MEMO1: variants seen among roughly 807,000 people sequenced by gnomAD.
The protein encoded by MEMO1 is mediator of cell motility 1, also known as protein MEMO1.
A neutral mutation model predicts 45.2 loss-of-function variants in MEMO1; 6 were observed. The ratio of observed to expected loss-of-function variants is 0.13; its 90% confidence interval spans 0.07 to 0.26. The LOEUF (loss-of-function observed/expected upper bound fraction) is 0.26. MEMO1 is among the 10% of genes least tolerant of loss of function. The pLI is 1.00. For missense variants in MEMO1, 184 were observed against 370.5 expected (o/e 0.50, Z 4.13); for synonymous variants, 78 against 124.3 (o/e 0.63, Z 2.48).
intron 2 of MEMO1, among the ~76,000 whole-genome samples, chr2:31,966,871 C>T (rs1668685459): frequency 6.6e-6 from 1 of 151,992 alleles, no homozygotes; most frequent in Non-Finnish European, 1.5e-5. Flanking sequence ...AGTGATTATT[C>T]TGGGATGTCA....
At chr2:31,874,771 T>C (rs1258676376) in intron 8 of MEMO1, among the ~76,000 whole-genome samples, 3 of 151,922 alleles carry the variant, frequency 2.0e-5, no homozygotes, top group South Asian at 4.1e-4. Context: ...AGATCACATA[T>C]GAAAACTAAG....
At chr2:31,883,259 C>T (rs1675682392) in intron 8 of MEMO1, 127 bp downstream of exon 8, 1 of 681,280 alleles carries the variant, frequency 1.5e-6, no homozygotes, top group Non-Finnish European at 2.5e-6. Flanking sequence ...TATGATGACA[C>T]ATTGCATTTT....
intron 2 of MEMO1, among the ~76,000 whole-genome samples, chr2:31,946,410 T>TA (rs1368753502): frequency 6.6e-6 from 1 of 152,196 alleles, no homozygotes; most frequent in African/African-American, 2.4e-5. Context: ...ACTCAGTGAT[T>TA]AAACAATGGT....
intron 2 of MEMO1, chr2:31,963,289 T>C (rs1338317562): frequency 6.6e-7 from 1 of 1,515,724 alleles, no homozygotes; most frequent in African/African-American, 1.4e-5. Flanking sequence ...TAAACAGATC[T>C]ACAGATAGGG....
At chr2:31,943,432 A>C (rs1392537250) in intron 2 of MEMO1, 49 bp from the exon 3 acceptor site, 4 of 1,329,076 alleles carry the variant, frequency 3.0e-6, no homozygotes, top group Non-Finnish European at 4.3e-6. Context: ...AATGTACTAC[A>C]GATAAACATA....
intron 2 of MEMO1, chr2:31,963,378 CACTG>C (rs1668248598): frequency 2.7e-6 from 3 of 1,129,412 alleles, no homozygotes; most frequent in Non-Finnish European, 3.4e-6. Context: ...CTCTGAAGGA[CACTG>C]ACTAATACTC....
intron 2 of MEMO1, among the ~76,000 whole-genome samples, chr2:31,981,507 T>C (rs1028994691): frequency 6.6e-6 from 1 of 152,268 alleles, no homozygotes; most frequent in Non-Finnish European, 1.5e-5. Context: ...CTTGCCACAT[T>C]TGGCCTAATT....
chr2:31,885,477 A>G (rs981664739), intron 7 of MEMO1, among the ~76,000 whole-genome samples: 6 of 152,244 alleles, frequency 3.9e-5, no homozygotes, highest in Non-Finnish European at 8.8e-5. Context: ...TGCCAAATCT[A>G]AAGTGCAGTT....
intron 2 of MEMO1, among the ~76,000 whole-genome samples, chr2:31,993,518 G>T (rs1672191188): frequency 6.6e-6 from 1 of 152,194 alleles, no homozygotes; most frequent in South Asian, 2.1e-4. Flanking sequence ...CCATACTGAA[G>T]TTTGAGAAGG....
chr2:31,936,348 A>G (rs1303073671), intron 3 of MEMO1, among the ~76,000 whole-genome samples: 1 of 152,164 alleles, frequency 6.6e-6, no homozygotes, highest in Non-Finnish European at 1.5e-5. Flanking sequence ...CTGATTCCCA[A>G]CCTAACATAT....
At chr2:31,943,213 C>T (rs1447679990) in intron 3 of MEMO1, 89 bp downstream of exon 3, 5 of 977,480 alleles carry the variant, frequency 5.1e-6, no homozygotes, top group East Asian at 4.8e-5. Context: ...TGCAGTGAGC[C>T]GAGACCATGC....
At chr2:31,925,658 A>G (rs1682992716) in intron 4 of MEMO1, among the ~76,000 whole-genome samples, 1 of 152,120 alleles carries the variant, frequency 6.6e-6, no homozygotes, top group Non-Finnish European at 1.5e-5. Context: ...TATTTTCATA[A>G]GAATGCAAGG....
chr2:31,880,846 C>G (rs1211943533), intron 8 of MEMO1, among the ~76,000 whole-genome samples: 2 of 150,426 alleles, frequency 1.3e-5, no homozygotes, highest in Non-Finnish European at 3.0e-5. Context: ...TGGCGAAACC[C>G]CATCTCTAAA....
Position 31,977,210 on chromosome 2 carries a change from T to C in MEMO1, c.61+32977A>G, listed in dbSNP as rs1048396785. 3.3e-5 allele frequency among the ~76,000 whole-genome samples: 5 copies of C among 152,214 alleles called. 1 individual carries two copies. The South Asian group carries it at 8.3e-4, about 25-fold the overall frequency. On this transcript the variant is annotated intron_variant, in intron 2 of 9. Transcript: ENST00000404530. ...GTTCATGAAACAAAAACCTGCATAGTTGAGAAAGGGAAAGCTAGAATAGCT... is the reference window on the plus strand; with the variant it reads ...GTTCATGAAACAAAAACCTGCATAGCTGAGAAAGGGAAAGCTAGAATAGCT...
chr2:31,921,051 C>T, intron 4 of MEMO1, 141 bp from the exon 5 acceptor site: 2 of 568,588 alleles, frequency 3.5e-6, no homozygotes, highest in Non-Finnish European at 6.3e-6. Context: ...CTGTGTTCCC[C>T]TCCAAAATTC....
intron 6 of MEMO1, among the ~76,000 whole-genome samples, chr2:31,913,417 G>C (rs1680921249): frequency 6.6e-6 from 1 of 151,492 alleles, no homozygotes; most frequent in Admixed American, 6.6e-5. Context: ...AAAGTCTCAG[G>C]TATAGCCTAT....
intron 7 of MEMO1, among the ~76,000 whole-genome samples, chr2:31,889,534 ATGAATG>A (rs1445087451): frequency 1.8e-4 from 27 of 152,134 alleles, no homozygotes; most frequent in Non-Finnish European, 3.8e-4. Context: ...CCACTACAAT[ATGAATG>A]TGAGAAACAT....
chr2:31,942,543 G>C (rs1185476296), intron 3 of MEMO1, among the ~76,000 whole-genome samples: 1 of 151,428 alleles, frequency 6.6e-6, no homozygotes, highest in East Asian at 1.9e-4. Flanking sequence ...GGGCCTCACT[G>C]TCACCCAGGC....
At chr2:31,999,378 C>A (rs1572940017) in intron 2 of MEMO1, among the ~76,000 whole-genome samples, 2 of 152,194 alleles carry the variant, frequency 1.3e-5, no homozygotes, top group East Asian at 3.9e-4. Flanking sequence ...AAAGTCCTTT[C>A]TAGACTAGGC....
Sources: gnomAD v4.1 joint callset for allele counts (sites outside exome capture counted in the v4.1 genomes callset) on GRCh38, gnomAD v4.1.1 for gene constraint, MANE v1.5 for transcripts, NCBI Gene and HGNC (gene_info 2026-07-23, HGNC 2026-07-21) for gene names.